The following LSS variants were observed in gnomAD, a reference collection of about 807,000 sequenced individuals.
LSS encodes the protein 2,3-epoxysqualene-lanosterol cyclase.
A neutral mutation model predicts 110.3 loss-of-function variants in LSS; 90 were observed. That is an observed-to-expected ratio of 0.82 (90% CI 0.69 to 0.97). LSS has a LOEUF of 0.97. Ranked by LOEUF, LSS falls within the 50% of genes least tolerant of loss-of-function variation. The pLI is 0.00. For missense variants in LSS, 927 were observed against 990.0 expected (o/e 0.94, Z 0.85); for synonymous variants, 433 against 400.0 (o/e 1.08, Z -0.98).
rs1019174148 is a variant in LSS, at chr21:46,188,981, C to T, written c.*2123G>A. ...CTGTTTTCCCTCAGGTAACTGGAGACGCACCCTGCTACTCCTCACGTCACT... is the reference window on the plus strand; with the variant it reads ...CTGTTTTCCCTCAGGTAACTGGAGATGCACCCTGCTACTCCTCACGTCACT... On this transcript the variant is annotated 3_prime_UTR_variant, in exon 22 of 22. Transcript: ENST00000397728. The T allele has an allele frequency of 2.5e-5, 9 of 354,732 alleles. No individual in the cohort carries two copies. The highest frequency in any genetic ancestry group is 1.1e-4 in the South Asian group (5 of 46,238). 22.0% of individuals were successfully genotyped at this position (354,732 alleles called of 1,614,324 possible). A position where few individuals can be genotyped will look rare whatever the true frequency, so the allele number is the denominator to read the frequency against.
chr21:46,202,319 G>A (rs1376046927), intron 17 of LSS, among the ~76,000 whole-genome samples: 7 of 143,458 alleles, frequency 4.9e-5, no homozygotes, highest in Non-Finnish European at 9.2e-5. Flanking sequence ...GCGTGAACCC[G>A]GGAGGCGGAG....
intron 17 of LSS, among the ~76,000 whole-genome samples, chr21:46,203,237 T>C (rs1332212341): frequency 6.6e-6 from 1 of 152,120 alleles, no homozygotes; most frequent in Non-Finnish European, 1.5e-5. Flanking sequence ...AAAATACCAG[T>C]TAAGGTTAAA....
At chr21:46,196,363 G>A in intron 17 of LSS, 96 bp from the exon 18 acceptor site, 2 of 1,013,404 alleles carry the variant, frequency 2.0e-6, no homozygotes, top group Non-Finnish European at 3.1e-6. Flanking sequence ...AATGAGAATG[G>A]TCTCCCTTAA....
intron 17 of LSS, among the ~76,000 whole-genome samples, chr21:46,203,354 G>A (rs1004624095): frequency 1.3e-5 from 2 of 152,182 alleles, no homozygotes; most frequent in Non-Finnish European, 1.5e-5. Flanking sequence ...GGAGGAGCGC[G>A]CTCAATGGTG....
chr21:46,219,158 G>A (rs2080243249), intron 6 of LSS, among the ~76,000 whole-genome samples: 1 of 152,146 alleles, frequency 6.6e-6, no homozygotes, highest in African/African-American at 2.4e-5. Context: ...GCAGGCTGGG[G>A]GAGGGGCACC....
At chr21:46,223,788 G>A (rs562332490) in intron 3 of LSS, among the ~76,000 whole-genome samples, 4 of 152,330 alleles carry the variant, frequency 2.6e-5, no homozygotes, top group South Asian at 4.1e-4. Flanking sequence ...TGTTATGCCC[G>A]GACGGGGCCA....
At chr21:46,202,040 C>T (rs1439127632) in intron 17 of LSS, among the ~76,000 whole-genome samples, 6 of 149,000 alleles carry the variant, frequency 4.0e-5, no homozygotes, top group African/African-American at 9.8e-5. Context: ...GTGATCCACC[C>T]GCCTCGGCCT....
chr21:46,215,618 T>TGAGTGGGC, intron 8 of LSS, 67 bp downstream of exon 8: 2 of 1,151,608 alleles, frequency 1.7e-6, no homozygotes, highest in South Asian at 2.9e-5. Context: ...GATGAGTGCG[T>TGAGTGGGC]GAATGAGTGG....
At chr21:46,225,142 T>C (rs975408801) in intron 3 of LSS, 7 of 185,786 alleles carry the variant, frequency 3.8e-5, no homozygotes, top group African/African-American at 1.4e-4. Flanking sequence ...TATATATGAA[T>C]ATCATTAATC....
rs746241872 is a variant in LSS, at chr21:46,228,715, G to A, written c.14+17C>T. 8 of 1,601,816 alleles carry A rather than the reference G, an allele frequency of 5.0e-6. No homozygotes were observed. Among genetic ancestry groups the A allele is most frequent in the East Asian group, 2.2e-5 (1 of 44,746 alleles). On this transcript the variant is annotated intron_variant, in intron 1 of 21. Coordinates refer to ENST00000397728, the MANE Select transcript of LSS (RefSeq NM_002340.6). ...ACCACCCCGCATTCGTCAGGAGCCC[G>A]GGGCGAGGGGACTCACGTGCCCTCC...
intron 14 of LSS, 59 bp from the exon 15 acceptor site, chr21:46,207,636 C>T (rs1169026267): frequency 3.9e-6 from 6 of 1,556,156 alleles, no homozygotes; most frequent in Non-Finnish European, 5.2e-6. Context: ...TTCTCAGAAC[C>T]TCCCCACAGC....
At chr21:46,218,031 C>A (rs1009938955) in intron 6 of LSS, among the ~76,000 whole-genome samples, 11 of 152,162 alleles carry the variant, frequency 7.2e-5, no homozygotes, top group Non-Finnish European at 4.4e-5. Context: ...CCGGCCTTTG[C>A]ATCAGGACAC....
chr21:46,219,266 C>A (rs2080244546), intron 6 of LSS, among the ~76,000 whole-genome samples: 1 of 152,292 alleles, frequency 6.6e-6, no homozygotes, highest in Admixed American at 6.5e-5. Context: ...ATGGCACAGC[C>A]TTCTTCCTGC....
At chr21:46,197,930 T>C (rs982593420) in intron 17 of LSS, among the ~76,000 whole-genome samples, 2 of 151,690 alleles carry the variant, frequency 1.3e-5, no homozygotes, top group Non-Finnish European at 2.9e-5. Flanking sequence ...AACTGAATAC[T>C]GTCTTAAATA....
chr21:46,207,543 C>A lies in LSS; in HGVS notation c.1352G>T (p.Trp451Leu). ...GFSFSTLDCG[W>L]IVSDCTAEAL... ...CTCAGCCGTGCAGTCAGAAACGATCCAGCCGCAGTCCAGCGTACTGAAGGA... is the reference window on the plus strand; with the variant it reads ...CTCAGCCGTGCAGTCAGAAACGATCAAGCCGCAGTCCAGCGTACTGAAGGA... Residue 451 changes from tryptophan to leucine, a missense_variant, in exon 15 of 22, where the codon TGG (tryptophan) becomes TTG (leucine). Coordinates refer to ENST00000397728, the MANE Select transcript of LSS (RefSeq NM_002340.6). 6.2e-7 allele frequency: 1 copy of A among 1,610,560 alleles called. No individual in the cohort carries two copies. Among genetic ancestry groups the A allele is most frequent in the Non-Finnish European group, 8.5e-7 (1 of 1,178,848 alleles).
Position 46,210,731 on chromosome 21 carries a change from G to T in LSS, c.1151C>A (p.Ser384Ter), listed in dbSNP as rs1166722389. 2 of 1,614,084 alleles carry T rather than the reference G, an allele frequency of 1.2e-6. No homozygotes were observed. Among genetic ancestry groups the T allele is most frequent in the Admixed American group, 3.3e-5 (2 of 60,020 alleles). Residue 384 changes from serine to a stop codon, truncating the protein, a stop_gained, in exon 12 of 22, where the codon TCA (serine) becomes TAA (stop). Transcript: ENST00000397728. LOFTEE classifies it high-confidence loss of function. ...DGMKMQGTNG[S>*]QIWDTAFAIQ... ...GGCGAATGCGGTGTCCCAGATCTGT[G>T]AGCCGTTGGTGCCCTACACACAAAG... is the stretch of plus-strand genomic sequence containing the variant.
In LSS at chr21:46,205,806, C is replaced by T. The variant is rs2080039698; in HGVS notation, c.1670+30G>A. Reference sequence around the variant, plus strand: ...GGTCTTGGCCCCCGACTTGGCAGCGCCCACACTGAATGGCTGAGACCCTCC... The same window carrying T: ...GGTCTTGGCCCCCGACTTGGCAGCGTCCACACTGAATGGCTGAGACCCTCC... On this transcript the variant is annotated intron_variant, in intron 17 of 21. Transcript: ENST00000397728. 23 of 1,552,262 alleles carry T rather than the reference C, an allele frequency of 1.5e-5. No homozygotes were observed. In the East Asian group the frequency reaches 5.1e-4, roughly 34 times the overall value.
chr21:46,204,547 A>T (rs564420096), intron 17 of LSS, among the ~76,000 whole-genome samples: 1 of 152,116 alleles, frequency 6.6e-6, no homozygotes, highest in South Asian at 2.1e-4. Context: ...AAAAATGGAA[A>T]ATCTGCTCAG....
rs1203826142 is a variant in LSS, at chr21:46,193,534, C to T, written c.1988+957G>A. The T allele has an allele frequency of 7.1e-6, 3 of 424,638 alleles. No homozygotes were observed. The African/African-American group carries it at 7.4e-5, about 10-fold the overall frequency. 26.3% of individuals were successfully genotyped at this position (424,638 alleles called of 1,614,324 possible). A position where few individuals can be genotyped will look rare whatever the true frequency, so the allele number is the denominator to read the frequency against. On this transcript the variant is annotated intron_variant, in intron 20 of 21. Coordinates refer to ENST00000397728, the MANE Select transcript of LSS (RefSeq NM_002340.6). ...TGTGTGTGCATCTGTCTCCATGTAC[C>T]TACGTCTGTGTGTGGCACAGATGGG...
Sources: allele counts gnomAD v4.1 joint callset (sites outside exome capture counted in the v4.1 genomes callset), GRCh38; gene constraint gnomAD v4.1.1; transcripts MANE v1.5; gene names NCBI Gene and HGNC (gene_info 2026-07-23, HGNC 2026-07-21).